The following LRIG1 variants were observed in gnomAD, a reference collection of about 807,000 sequenced individuals.
LRIG1 encodes leucine-rich repeats and immunoglobulin-like domains protein 1.
Under a neutral mutation model 99.2 loss-of-function variants are expected in LRIG1, and 48 were observed. The observed-to-expected ratio is 0.48, with a 90% confidence interval of 0.38 to 0.62. The LOEUF (loss-of-function observed/expected upper bound fraction) is 0.62. Among genes scored for constraint, LRIG1 ranks in the 20% least tolerant of loss-of-function variants. LRIG1 has a pLI of 0.00. For synonymous variants in LRIG1, 772 were observed against 596.1 expected, an observed-to-expected ratio of 1.29 and a Z score of -4.30; for missense variants, 1,646 against 1,434.4, an observed-to-expected ratio of 1.15 and a Z score of -2.38.
intron 9 of LRIG1, chr3:66,401,649 A>C (rs942204988): frequency 6.5e-7 from 1 of 1,530,748 alleles, no homozygotes; most frequent in Admixed American, 2.0e-5. Flanking sequence ...GGGGAGCTGC[A>C]GCCAGCAGAC....
Position 66,415,038 on chromosome 3 carries a change from T to G in LRIG1, c.529A>C (p.Thr177Pro), listed in dbSNP as rs1193866254. 1 of 1,606,202 alleles carries G rather than the reference T, an allele frequency of 6.2e-7. No individual in the cohort carries two copies. The highest frequency in any genetic ancestry group is 8.5e-7 in the Non-Finnish European group (1 of 1,177,232). Residue 177 changes from threonine (T) to proline (P), a missense_variant, in exon 5 of 19, where the codon ACC becomes CCC. Transcript: ENST00000273261. Reference sequence around the variant, plus strand: ...CCATCAAATGCTCCCAACTCCAGGGTGCCAATCCGATTGCCTGCCAGGTTG... The same window carrying G: ...CCATCAAATGCTCCCAACTCCAGGGGGCCAATCCGATTGCCTGCCAGGTTG... Reference protein sequence around the residue: ...ELNLAGNRIGTLELGAFDGLS... With the variant: ...ELNLAGNRIGPLELGAFDGLS...
At chr3:66,416,775 T>C (rs1310979496) in intron 4 of LRIG1, among the ~76,000 whole-genome samples, 1 of 152,212 alleles carries the variant, frequency 6.6e-6, no homozygotes, top group Non-Finnish European at 1.5e-5. Context: ...GAATCTCCTC[T>C]GGAAGCATTT....
At chr3:66,423,428 G>A (rs548822843) in intron 3 of LRIG1, among the ~76,000 whole-genome samples, 22 of 152,170 alleles carry the variant, frequency 1.4e-4, no homozygotes, top group Admixed American at 3.3e-4. Context: ...AAAATTAGCC[G>A]GGCATGGTGG....
At chr3:66,407,641 C>G (rs1017745013) in intron 7 of LRIG1, 150 bp from the exon 8 acceptor site, 5 of 790,114 alleles carry the variant, frequency 6.3e-6, no homozygotes, top group African/African-American at 5.2e-5. Flanking sequence ...ACACCCACAC[C>G]CACAGAATCC....
At chr3:66,396,082 C>T (rs191834701) in intron 11 of LRIG1, among the ~76,000 whole-genome samples, 31 of 152,366 alleles carry the variant, frequency 2.0e-4, no homozygotes, top group Admixed American at 9.8e-4. Flanking sequence ...ATCCTACACA[C>T]GCCCTGGACG....
chr3:66,405,690 A>G, intron 8 of LRIG1: 1 of 1,090,196 alleles, frequency 9.2e-7, no homozygotes, highest in African/African-American at 1.6e-5. Flanking sequence ...TGACCGAGAA[A>G]CTGCAGAAAG....
chr3:66,418,358 GT>G (rs1458164825), intron 3 of LRIG1, among the ~76,000 whole-genome samples: 2 of 152,216 alleles, frequency 1.3e-5, no homozygotes, highest in Non-Finnish European at 2.9e-5. Flanking sequence ...CTCCCAAAAT[GT>G]TGGGATTACA....
Position 66,424,533 on chromosome 3 carries a change from A to G in LRIG1, c.366-7267T>C, listed in dbSNP as rs184332400. 2.0e-5 allele frequency among the ~76,000 whole-genome samples: 3 copies of G among 152,234 alleles called. No individual in the cohort carries two copies. The East Asian group carries it at 5.8e-4, about 29-fold the overall frequency. On this transcript the variant is annotated intron_variant, in intron 3 of 18. Coordinates refer to ENST00000273261, the MANE Select transcript of LRIG1 (RefSeq NM_015541.3). ...CCACATGCAAACCCAAGTGGTCATCATTTTCACTCCTTTAACATAACTAAC... is the reference window on the plus strand; with the variant it reads ...CCACATGCAAACCCAAGTGGTCATCGTTTTCACTCCTTTAACATAACTAAC...
chr3:66,465,667 G>C (rs1700457814), intron 1 of LRIG1, among the ~76,000 whole-genome samples: 1 of 152,096 alleles, frequency 6.6e-6, no homozygotes, highest in African/African-American at 2.4e-5. Flanking sequence ...TGCCCGGCCT[G>C]AGCATAATTT....
chr3:66,384,253 T>G lies in LRIG1; in HGVS notation c.1809A>C (p.Lys603Asn), dbSNP rs1347034087. Reference sequence around the variant, plus strand: ...TCCGGATGGTTATGTCGTGGGGCGTTTTGGTGAATGATGGCAACACTGGAA... The same window carrying G: ...TCCGGATGGTTATGTCGTGGGGCGTGTTGGTGAATGATGGCAACACTGGAA... ...LTVNVLPSFTKTPHDITIRTT... is the reference protein window; with the variant it reads ...LTVNVLPSFTNTPHDITIRTT... Residue 603 changes from lysine (K) to asparagine (N), a missense_variant, in exon 14 of 19, where the codon AAA (lysine) becomes AAC (asparagine). Lys to Asn is a moderately conservative substitution (Grantham distance 94). Transcript: ENST00000273261. 1.2e-6 allele frequency: 2 copies of G among 1,611,644 alleles called. No individual in the cohort carries two copies. The highest frequency in any genetic ancestry group is 2.2e-5 in the South Asian group (2 of 91,048).
rs759244128 is a variant in LRIG1 at position 66,386,183 on chromosome 3, G to A, written c.1587C>T (p.Ala529=). The stretch of plus-strand genomic sequence containing the variant: ...TCAGGACTTCATTGTCTTTCTTCCA[G>A]GCAAAGGTCATGGGGGAGCTGCTGC... The part of the protein sequence containing the change: ...ASSSSSPMTF[A]WKKDNEVLTN... The change falls in exon 13 of 19, where the codon GCC becomes GCT. Residue 529 remains alanine (A), a synonymous_variant. Coordinates refer to ENST00000273261, the MANE Select transcript of LRIG1 (RefSeq NM_015541.3). The A allele has an allele frequency of 2.5e-6, 4 of 1,614,114 alleles. No homozygotes were observed. Among genetic ancestry groups the A allele is most frequent in the Non-Finnish European group, 3.4e-6 (4 of 1,180,020 alleles).
At chr3:66,464,876 C>T (rs1027517967) in intron 1 of LRIG1, among the ~76,000 whole-genome samples, 6 of 152,080 alleles carry the variant, frequency 3.9e-5, no homozygotes, top group African/African-American at 1.4e-4. Context: ...AAAAATTTTG[C>T]TTTTTAGGTA....
chr3:66,453,975 GA>G (rs1703989454), intron 2 of LRIG1, among the ~76,000 whole-genome samples: 1 of 152,186 alleles, frequency 6.6e-6, no homozygotes, highest in Non-Finnish European at 1.5e-5. Context: ...AATTGTGACA[GA>G]ACTGCTGGAA....
chr3:66,466,260 C>G (rs1015566800), intron 1 of LRIG1, among the ~76,000 whole-genome samples: 3 of 152,102 alleles, frequency 2.0e-5, no homozygotes, highest in Admixed American at 6.5e-5. Context: ...CCAGGCTAGT[C>G]TTGAACTCCT....
At chr3:66,494,913 C>T (rs944065130) in intron 1 of LRIG1, among the ~76,000 whole-genome samples, 5 of 152,162 alleles carry the variant, frequency 3.3e-5, no homozygotes, top group Admixed American at 3.3e-4. Context: ...ATTGGTCAGT[C>T]GGGACTGCTC....
At chr3:66,484,417 A>G (rs1311656911) in intron 1 of LRIG1, among the ~76,000 whole-genome samples, 1 of 152,238 alleles carries the variant, frequency 6.6e-6, no homozygotes, top group Non-Finnish European at 1.5e-5. Flanking sequence ...CGAATCAAAC[A>G]TTCACACAAA....
chr3:66,480,725 C>A (rs945631030), intron 1 of LRIG1, among the ~76,000 whole-genome samples: 1 of 152,208 alleles, frequency 6.6e-6, no homozygotes, highest in Non-Finnish European at 1.5e-5. Flanking sequence ...AGAGTTTACC[C>A]TCCCACAGAA....
intron 1 of LRIG1, among the ~76,000 whole-genome samples, chr3:66,480,864 T>C (rs1191534907): frequency 6.6e-6 from 1 of 152,140 alleles, no homozygotes; most frequent in East Asian, 1.9e-4. Flanking sequence ...CAGGAGGAAA[T>C]GTCACCACAA....
At chr3:66,445,312 C>G (rs530922677) in intron 3 of LRIG1, among the ~76,000 whole-genome samples, 1 of 151,752 alleles carries the variant, frequency 6.6e-6, no homozygotes, top group East Asian at 1.9e-4. Flanking sequence ...TTTACCCAAA[C>G]GGACTGGCCA....
Sources: gnomAD v4.1 joint callset for allele counts (sites outside exome capture counted in the v4.1 genomes callset) on GRCh38, gnomAD v4.1.1 for gene constraint, MANE v1.5 for transcripts, NCBI Gene and HGNC (gene_info 2026-07-23, HGNC 2026-07-21) for gene names.